The following NAALADL2 variants were observed in gnomAD, a reference collection of about 807,000 sequenced individuals.
NAALADL2 encodes inactive N-acetylated-alpha-linked acidic dipeptidase-like protein 2.
A neutral mutation model predicts 87.2 loss-of-function variants in NAALADL2; 76 were observed. The ratio of observed to expected loss-of-function variants is 0.87; its 90% confidence interval spans 0.72 to 1.05. The LOEUF (loss-of-function observed/expected upper bound fraction) is 1.05, where lower values mean the gene tolerates loss of function less well. NAALADL2 is among the 50% of genes least tolerant of loss of function. The pLI is 0.00. For synonymous variants in NAALADL2, 354 were observed against 331.0 expected, an observed-to-expected ratio of 1.07 and a Z score of -0.75; for missense variants, 1,089 against 945.8, an observed-to-expected ratio of 1.15 and a Z score of -1.99.
chr3:174,624,703 C>A (rs1721380282), intron 2 of NAALADL2, among the ~76,000 whole-genome samples: 1 of 151,598 alleles, frequency 6.6e-6, no homozygotes, highest in South Asian at 2.1e-4. Context: ...TTCAAAATAA[C>A]TAATAGTTAT....
At chr3:175,122,014 A>G (rs73041307) in intron 2 of NAALADL2, among the ~76,000 whole-genome samples, 7,762 of 151,972 alleles carry the variant, frequency 0.051, 633 homozygotes, top group African/African-American at 0.17. Flanking sequence ...AAAGGAAATG[A>G]TGAAAATAAT....
At chr3:174,582,589 C>A (rs1716289802) in intron 2 of NAALADL2, among the ~76,000 whole-genome samples, 1 of 150,944 alleles carries the variant, frequency 6.6e-6, no homozygotes, top group Non-Finnish European at 1.5e-5. Flanking sequence ...GACTTCATTT[C>A]TTTTTTTTTG....
chr3:175,420,838 C>T (rs1158641678), intron 5 of NAALADL2, among the ~76,000 whole-genome samples: 1 of 151,860 alleles, frequency 6.6e-6, no homozygotes, highest in Non-Finnish European at 1.5e-5. Context: ...GGCAATAAAA[C>T]CAGTGAAAGA....
At chr3:174,882,913 G>A (rs1057320456) in intron 1 of NAALADL2, among the ~76,000 whole-genome samples, 8 of 150,268 alleles carry the variant, frequency 5.3e-5, no homozygotes, top group Non-Finnish European at 1.2e-4. Flanking sequence ...GTATATATAT[G>A]TTTGTATATA....
intron 2 of NAALADL2, among the ~76,000 whole-genome samples, chr3:174,657,541 C>T (rs1165592192): frequency 6.6e-6 from 1 of 152,076 alleles, no homozygotes; most frequent in Non-Finnish European, 1.5e-5. Flanking sequence ...ATCCCATATG[C>T]CTGTGCCCCC....
intron 12 of NAALADL2, among the ~76,000 whole-genome samples, chr3:175,750,692 A>T (rs949815145): frequency 6.6e-6 from 1 of 152,176 alleles, no homozygotes; most frequent in East Asian, 1.9e-4. Context: ...CAGTTTCATG[A>T]TCTATCTCTC....
At chr3:174,730,000 G>C (rs1284257812) in intron 2 of NAALADL2, among the ~76,000 whole-genome samples, 3 of 152,010 alleles carry the variant, frequency 2.0e-5, no homozygotes, top group Non-Finnish European at 4.4e-5. Context: ...TCTGCTGGAG[G>C]TTGATTCTAG....
intron 2 of NAALADL2, among the ~76,000 whole-genome samples, chr3:175,223,756 C>T (rs1743754037): frequency 1.3e-5 from 2 of 151,978 alleles, no homozygotes; most frequent in African/African-American, 4.8e-5. Context: ...TTTATAAGTC[C>T]AACCATAAAA....
chr3:174,719,011 C>T (rs563892), intron 2 of NAALADL2, among the ~76,000 whole-genome samples: 125,659 of 152,074 alleles, frequency 0.83, 52,160 homozygotes, highest in Middle Eastern at 0.9. Flanking sequence ...ATAATAACCA[C>T]CCACACCTGA....
intron 9 of NAALADL2, among the ~76,000 whole-genome samples, chr3:175,522,780 T>C (rs1023852046): frequency 3.9e-5 from 6 of 152,228 alleles, no homozygotes; most frequent in Admixed American, 2.0e-4. Flanking sequence ...ATCTGAGTTA[T>C]TTTGATTTTG....
intron 2 of NAALADL2, among the ~76,000 whole-genome samples, chr3:175,224,784 A>C (rs190050749): frequency 6.6e-5 from 10 of 152,322 alleles, no homozygotes; most frequent in African/African-American, 9.6e-5. Context: ...TAAATAACTT[A>C]TTCGAATACC....
chr3:175,625,297 T>C (rs1178922286), intron 10 of NAALADL2, among the ~76,000 whole-genome samples: 3 of 151,964 alleles, frequency 2.0e-5, no homozygotes, highest in Non-Finnish European at 4.4e-5. Flanking sequence ...ACATTATGGG[T>C]GTTATTACCT....
rs887155816 is a variant in NAALADL2 at position 175,334,217 on chromosome 3, G to T, written c.1090+9892G>T. Reference sequence around the variant, plus strand: ...ATTGTTGCGTGTTTTAAGTCCTCTCGATGGACAAAGCTAGATTAGGTAGAT... The same window carrying T: ...ATTGTTGCGTGTTTTAAGTCCTCTCTATGGACAAAGCTAGATTAGGTAGAT... On this transcript the variant is annotated intron_variant, in intron 5 of 13. Coordinates refer to ENST00000454872, the MANE Select transcript of NAALADL2 (RefSeq NM_207015.3). 4.6e-5 allele frequency among the ~76,000 whole-genome samples: 7 copies of T among 152,040 alleles called. No individual in the cohort carries two copies. In the East Asian group the frequency reaches 1.4e-3, roughly 29 times the overall value.
At chr3:174,750,554 C>T (rs1734726648) in intron 3 of NAALADL2, among the ~76,000 whole-genome samples, 1 of 152,122 alleles carries the variant, frequency 6.6e-6, no homozygotes, top group Non-Finnish European at 1.5e-5. Context: ...CTGCTTCAAC[C>T]TCCTGAGTAG....
At chr3:175,287,503 T>C (rs1755129893) in intron 4 of NAALADL2, among the ~76,000 whole-genome samples, 2 of 152,188 alleles carry the variant, frequency 1.3e-5, no homozygotes, top group Admixed American at 1.3e-4. Context: ...AGCTTTACTT[T>C]AAAGGGAACT....
chr3:175,063,769 C>A (rs917636090), intron 1 of NAALADL2, among the ~76,000 whole-genome samples: 1 of 151,996 alleles, frequency 6.6e-6, no homozygotes, highest in East Asian at 1.9e-4. Flanking sequence ...AGGCATGAAC[C>A]ATTGCACCCG....
At position 174,705,712 on chromosome 3, in the gene NAALADL2, G is replaced by A. The variant is rs1578615991; in HGVS notation, c.-114-31929G>A. 3.3e-5 allele frequency among the ~76,000 whole-genome samples: 5 copies of A among 151,740 alleles called. No individual in the cohort carries two copies. In the South Asian group the frequency reaches 8.3e-4, roughly 25 times the overall value. The stretch of plus-strand genomic sequence containing the variant: ...GCAGGAGAATGGCGTGAACCCGGGA[G>A]GCGGAGCTTGCAGTGAGCCGAGATC... On this transcript the variant is annotated intron_variant, in intron 2 of 3. Transcript: ENST00000434257.
At chr3:175,575,964 C>T (rs62285573) in intron 9 of NAALADL2, 77 bp from the exon 10 acceptor site, 173,067 of 1,208,048 alleles carry the variant, frequency 0.14, 13,563 homozygotes, top group Non-Finnish European at 0.16. Flanking sequence ...ATCTGTGGAC[C>T]ATGTTTTGAG....
chr3:174,613,526 T>C (rs1720149579), intron 2 of NAALADL2, among the ~76,000 whole-genome samples: 1 of 152,208 alleles, frequency 6.6e-6, no homozygotes, highest in Non-Finnish European at 1.5e-5. Flanking sequence ...TTTCCTCTTC[T>C]TTCTAAAGAA....
Sources: allele counts gnomAD v4.1 joint callset (sites outside exome capture counted in the v4.1 genomes callset), GRCh38; gene constraint gnomAD v4.1.1; transcripts MANE v1.5; gene names NCBI Gene and HGNC (gene_info 2026-07-23, HGNC 2026-07-21).